Variants in ARAP2 observed in about 807,000 individuals in gnomAD.
ARAP2 encodes arf-GAP with Rho-GAP domain, ANK repeat and PH domain-containing protein 2.
In ARAP2, 148 loss-of-function variants were observed where a neutral mutation model predicts 194.5. The observed-to-expected ratio is 0.76, with a 90% CI of 0.67 to 0.87. The LOEUF (loss-of-function observed/expected upper bound fraction) is 0.87, where lower values mean the gene tolerates loss of function less well. ARAP2 is among the 40% of genes least tolerant of loss of function. The probability of loss-of-function intolerance (pLI) is 0.00; values close to 1 mark genes in which losing one functional copy is unlikely to be tolerated. For missense variants in ARAP2, 2,128 were observed against 1,989.7 expected, an observed-to-expected ratio of 1.07 and a Z score of -1.32; for synonymous variants, 695 against 683.5, an observed-to-expected ratio of 1.02 and a Z score of -0.26.
chr4:36,128,017 T>C (rs1724385242), intron 21 of ARAP2, among the ~76,000 whole-genome samples: 2 of 151,978 alleles, frequency 1.3e-5, no homozygotes, highest in East Asian at 1.9e-4. Flanking sequence ...ATCTCTTAAT[T>C]AGCTTTTCTT....
intron 5 of ARAP2, among the ~76,000 whole-genome samples, chr4:36,020,983 T>C (rs1450121487): frequency 1.3e-5 from 2 of 152,240 alleles, no homozygotes; most frequent in Non-Finnish European, 2.9e-5. Context: ...GAGTTTCCGA[T>C]GTTTAAAAAA....
intron 5 of ARAP2, among the ~76,000 whole-genome samples, chr4:36,026,019 G>A (rs528232870): frequency 1.3e-5 from 2 of 152,116 alleles, no homozygotes; most frequent in Non-Finnish European, 2.9e-5. Flanking sequence ...AATTGCTGAA[G>A]GAAAACAACA....
chr4:36,102,503 G>C (rs925708533), intron 27 of ARAP2, among the ~76,000 whole-genome samples: 1 of 151,922 alleles, frequency 6.6e-6, no homozygotes, highest in Non-Finnish European at 1.5e-5. Context: ...CTTTTAGTGA[G>C]TAAGAGTAAA....
chr4:36,104,731 A>G (rs1308707964), intron 27 of ARAP2, among the ~76,000 whole-genome samples: 1 of 152,048 alleles, frequency 6.6e-6, no homozygotes, highest in East Asian at 1.9e-4. Context: ...CTGAATATAA[A>G]TCAAACTCTA....
chr4:36,234,503 T>C (rs67075573), intron 1 of ARAP2, among the ~76,000 whole-genome samples: 9,024 of 152,148 alleles, frequency 0.059, 455 homozygotes, highest in Admixed American at 0.13. Context: ...ATTCAGACCA[T>C]AGCAAGTGTT....
At chr4:36,174,415 G>T (rs569254533) in intron 9 of ARAP2, among the ~76,000 whole-genome samples, 8 of 152,274 alleles carry the variant, frequency 5.3e-5, no homozygotes, top group African/African-American at 1.4e-4. Flanking sequence ...TTGCAGCATG[G>T]TAATTAGGTA....
At chr4:36,051,150 C>T (rs999648915) in intron 3 of ARAP2, among the ~76,000 whole-genome samples, 2 of 152,178 alleles carry the variant, frequency 1.3e-5, no homozygotes, top group Non-Finnish European at 2.9e-5. Context: ...AATCTTCTTA[C>T]TAACTAGTTT....
chr4:36,209,942 A>G (rs1369642060), intron 6 of ARAP2, among the ~76,000 whole-genome samples: 2 of 152,150 alleles, frequency 1.3e-5, no homozygotes, highest in Non-Finnish European at 2.9e-5. Context: ...GAAGACCTAA[A>G]CCTAACAAAG....
intron 9 of ARAP2, among the ~76,000 whole-genome samples, chr4:36,171,153 G>GGTTA (rs1234498212): frequency 6.6e-6 from 1 of 152,080 alleles, no homozygotes; most frequent in Non-Finnish European, 1.5e-5. Flanking sequence ...GTTTCGTGAG[G>GGTTA]GTTAAATTAA....
intron 5 of ARAP2, among the ~76,000 whole-genome samples, chr4:36,029,257 T>G (rs1718503513): frequency 1.3e-5 from 2 of 152,046 alleles, no homozygotes; most frequent in South Asian, 4.1e-4. Flanking sequence ...ATACCTTATA[T>G]GTCTTCTGCT....
At chr4:36,232,817 T>C (rs1453979033) in intron 1 of ARAP2, among the ~76,000 whole-genome samples, 1 of 152,186 alleles carries the variant, frequency 6.6e-6, no homozygotes, top group Non-Finnish European at 1.5e-5. Context: ...GTTTAAGAGA[T>C]GTGAGAGAGG....
Position 36,128,675 on chromosome 4 carries a change from G to C in ARAP2, c.3498C>G (p.Phe1166Leu). The C allele has an allele frequency of 1.2e-6, 2 of 1,612,512 alleles. 1 individual carries two copies. The highest frequency in any genetic ancestry group is 1.7e-6 in the Non-Finnish European group (2 of 1,179,354). Residue 1166 changes from phenylalanine to leucine, a missense_variant, in exon 21 of 33, where the codon TTC becomes TTG. Coordinates refer to ENST00000303965, the MANE Select transcript of ARAP2 (RefSeq NM_015230.4). ...PLHISELLESFKKDARSFKLR... is the reference protein window; with the variant it reads ...PLHISELLESLKKDARSFKLR... ...ATTTAAAGCTTCTTGCATCCTTTTTGAAACTCTCCAGGAGTTCACTTATAT... is the reference window on the plus strand; with the variant it reads ...ATTTAAAGCTTCTTGCATCCTTTTTCAAACTCTCCAGGAGTTCACTTATAT...
At chr4:36,233,830 T>A (rs765468682) in intron 1 of ARAP2, among the ~76,000 whole-genome samples, 1 of 152,228 alleles carries the variant, frequency 6.6e-6, no homozygotes, top group Non-Finnish European at 1.5e-5. Flanking sequence ...ACAGTTAAAT[T>A]TTCTGTTCTT....
intron 5 of ARAP2, among the ~76,000 whole-genome samples, chr4:36,043,074 C>G (rs1398081555): frequency 6.6e-6 from 1 of 152,098 alleles, no homozygotes; most frequent in Non-Finnish European, 1.5e-5. Context: ...AACTCCTGAC[C>G]TCAGGTGATC....
chr4:36,034,087 T>C (rs1330857643), intron 5 of ARAP2, among the ~76,000 whole-genome samples: 1 of 152,180 alleles, frequency 6.6e-6, no homozygotes, highest in East Asian at 1.9e-4. Flanking sequence ...ACATGATACC[T>C]TCAGATTTGT....
Position 36,118,290 on chromosome 4 carries a change from TA to T in ARAP2, c.3964-1156del, listed in dbSNP as rs71653572. ...GGACACATTTTAAAACTTAAAAAGTTAAAAAAAAAAAAAAAACTTAAAAAGT... is the reference window on the plus strand; with the variant it reads ...GGACACATTTTAAAACTTAAAAAGTTAAAAAAAAAAAAAAACTTAAAAAGT... On this transcript the variant is annotated intron_variant, in intron 24 of 32. Coordinates refer to ENST00000303965, the MANE Select transcript of ARAP2 (RefSeq NM_015230.4). Among the ~76,000 whole-genome samples the T allele has an allele frequency of 9.8e-3, 1,176 of 119,608 alleles. 6 individuals are homozygous for T. The highest frequency in any genetic ancestry group is 0.024 in the African/African-American group (735 of 30,176). The allele number at this position is 119,608 out of a possible 152,430, so 78.5% of individuals were successfully genotyped here.
At chr4:36,116,229 A>C (rs1300117688) in intron 25 of ARAP2, among the ~76,000 whole-genome samples, 1 of 151,960 alleles carries the variant, frequency 6.6e-6, no homozygotes, top group African/African-American at 2.4e-5. Flanking sequence ...AATCATTAGA[A>C]ACACAAAACT....
chr4:36,191,992 G>T (rs1424179972), intron 7 of ARAP2, among the ~76,000 whole-genome samples: 4 of 152,062 alleles, frequency 2.6e-5, no homozygotes, highest in Non-Finnish European at 4.4e-5. Context: ...CCAACCACAT[G>T]CTCCTCAAGT....
rs1560265196 is a variant in ARAP2, at chr4:36,014,326, GAAAGAAAGAA to G, written n.1056+1050_1056+1059del. ...AGAAGGAAGGAAAGAAAGAAAGAGA[GAAAGAAAGAA>G]AGAAAGAAAGAAAGAAAGAAAGAAA... On this transcript the variant is annotated intron_variant and non_coding_transcript_variant, in intron 8 of 12. Coordinates refer to the ARAP2 transcript ENST00000503225. 3.0e-3 allele frequency among the ~76,000 whole-genome samples: 120 copies of G among 40,218 alleles called. 2 individuals carry two copies. Among genetic ancestry groups the G allele is most frequent in the Middle Eastern group, 0.016 (1 of 64 alleles). 26.4% of individuals were successfully genotyped at this position (40,218 alleles called of 152,430 possible). A position where few individuals can be genotyped will look rare whatever the true frequency, so the allele number is the denominator to read the frequency against.
Sources: allele counts gnomAD v4.1 joint callset (sites outside exome capture counted in the v4.1 genomes callset), GRCh38; gene constraint gnomAD v4.1.1; transcripts MANE v1.5; gene names NCBI Gene and HGNC (gene_info 2026-07-23, HGNC 2026-07-21).